CTNND2: variants seen among roughly 807,000 people sequenced by gnomAD.
The protein encoded by CTNND2 is catenin delta 2.
Under a neutral mutation model 144.4 loss-of-function variants are expected in CTNND2, and 22 were observed. The ratio of observed to expected loss-of-function variants is 0.15; its 90% CI spans 0.11 to 0.22. The LOEUF (loss-of-function observed/expected upper bound fraction) is 0.22. Ranked by LOEUF, CTNND2 falls within the 10% of genes least tolerant of loss-of-function variation. The pLI is 1.00. For missense variants in CTNND2, 1,353 were observed against 1,618.8 expected (o/e 0.84, Z 2.82); for synonymous variants, 751 against 695.6 (o/e 1.08, Z -1.25).
At chr5:11,705,651 T>C (rs1014770772) in intron 2 of CTNND2, among the ~76,000 whole-genome samples, 1 of 152,228 alleles carries the variant, frequency 6.6e-6, no homozygotes, top group African/African-American at 2.4e-5. Context: ...GCTTAGCCTC[T>C]GAAGAGAGTG....
intron 3 of CTNND2, among the ~76,000 whole-genome samples, chr5:11,554,511 T>C (rs1042673179): frequency 7.1e-5 from 7 of 98,328 alleles, no homozygotes; most frequent in Admixed American, 4.9e-4. Context: ...TGATTTTTTT[T>C]CTCTATATCT....
intron 18 of CTNND2, among the ~76,000 whole-genome samples, chr5:11,009,673 C>T (rs1403974577): frequency 2.0e-5 from 3 of 152,142 alleles, no homozygotes; most frequent in Non-Finnish European, 2.9e-5. Flanking sequence ...ATGTTACGAG[C>T]GAAGCCTTGT....
intron 1 of CTNND2, among the ~76,000 whole-genome samples, chr5:11,737,793 G>A (rs1260025342): frequency 1.3e-5 from 2 of 152,206 alleles, no homozygotes; most frequent in South Asian, 4.1e-4. Flanking sequence ...AAGAGCAAGT[G>A]GCATCAGAGG....
At chr5:11,247,090 G>A (rs1240119607) in intron 9 of CTNND2, among the ~76,000 whole-genome samples, 1 of 152,172 alleles carries the variant, frequency 6.6e-6, no homozygotes, top group African/African-American at 2.4e-5. Context: ...ATAAACTGCA[G>A]GCCTAAAATC....
chr5:11,544,359 G>C (rs1378454162), intron 3 of CTNND2, among the ~76,000 whole-genome samples: 4 of 152,144 alleles, frequency 2.6e-5, no homozygotes, highest in African/African-American at 4.8e-5. Context: ...CTGCTGATAG[G>C]ATTAGAAAAT....
intron 2 of CTNND2, among the ~76,000 whole-genome samples, chr5:11,617,866 C>T (rs1192956157): frequency 1.3e-5 from 2 of 152,164 alleles, no homozygotes; most frequent in East Asian, 1.9e-4. Flanking sequence ...GCTTTTGCCT[C>T]TTTTCTCAGT....
intron 9 of CTNND2, among the ~76,000 whole-genome samples, chr5:11,289,457 G>A (rs764799838): frequency 6.6e-6 from 1 of 152,176 alleles, no homozygotes; most frequent in Non-Finnish European, 1.5e-5. Context: ...CAACAGCTGA[G>A]CACTGGGAAA....
intron 11 of CTNND2, among the ~76,000 whole-genome samples, chr5:11,182,902 C>T (rs1331700285): frequency 6.6e-6 from 1 of 152,194 alleles, no homozygotes; most frequent in Non-Finnish European, 1.5e-5. Flanking sequence ...AGGGAGCCCC[C>T]TGGAGGTAAA....
intron 1 of CTNND2, among the ~76,000 whole-genome samples, chr5:11,823,044 T>G (rs1362019727): frequency 6.6e-6 from 1 of 152,244 alleles, no homozygotes; most frequent in East Asian, 1.9e-4. Flanking sequence ...ACTCAATTAT[T>G]GTAGCCATTG....
At chr5:11,617,885 G>A (rs1780652746) in intron 2 of CTNND2, among the ~76,000 whole-genome samples, 1 of 152,160 alleles carries the variant, frequency 6.6e-6, no homozygotes, top group Non-Finnish European at 1.5e-5. Context: ...GTCTGATAAA[G>A]TAGGTGTGTT....
At chr5:11,295,536 GC>G (rs1561170399) in intron 9 of CTNND2, among the ~76,000 whole-genome samples, 1 of 152,150 alleles carries the variant, frequency 6.6e-6, no homozygotes, top group Non-Finnish European at 1.5e-5. Flanking sequence ...TCAATCCTAA[GC>G]TAAAAGAACA....
At chr5:11,116,692 G>C (rs1181029351) in intron 13 of CTNND2, among the ~76,000 whole-genome samples, 1 of 152,170 alleles carries the variant, frequency 6.6e-6, no homozygotes, top group African/African-American at 2.4e-5. Flanking sequence ...TTTAGATCTT[G>C]CAGGCCTTTT....
intron 8 of CTNND2, among the ~76,000 whole-genome samples, chr5:11,363,241 G>GT (rs1419528382): frequency 2.0e-5 from 3 of 151,434 alleles, no homozygotes; most frequent in African/African-American, 2.4e-5. Flanking sequence ...ATGAATTAAA[G>GT]TTTTTTTTTC....
intron 1 of CTNND2, among the ~76,000 whole-genome samples, chr5:11,861,172 T>C (rs1795487903): frequency 6.6e-6 from 1 of 152,162 alleles, no homozygotes; most frequent in African/African-American, 2.4e-5. Flanking sequence ...AGTCTTTGAG[T>C]TTTATGTTTC....
chr5:11,543,748 A>G (rs932934867), intron 3 of CTNND2, among the ~76,000 whole-genome samples: 1 of 152,214 alleles, frequency 6.6e-6, no homozygotes, highest in Non-Finnish European at 1.5e-5. Context: ...ATTTCAAAAC[A>G]GAAGAGTCCT....
intron 8 of CTNND2, among the ~76,000 whole-genome samples, chr5:11,347,757 C>T (rs1754943967): frequency 1.3e-5 from 2 of 152,226 alleles, no homozygotes. Flanking sequence ...TTATACATCT[C>T]TGACTTCCTA....
intron 2 of CTNND2, among the ~76,000 whole-genome samples, chr5:11,694,454 G>GA (rs1485652017): frequency 7.3e-5 from 11 of 151,444 alleles, no homozygotes; most frequent in East Asian, 1.9e-4. Flanking sequence ...AAAAGAAAAT[G>GA]AAAAAAACAA....
At chr5:11,487,014 A>G (rs1768894909) in intron 3 of CTNND2, among the ~76,000 whole-genome samples, 2 of 152,188 alleles carry the variant, frequency 1.3e-5, no homozygotes, top group Non-Finnish European at 2.9e-5. Context: ...ATGTTCACAT[A>G]AAATGATGTT....
chr5:11,447,693 G>A (rs1764948113), intron 3 of CTNND2, among the ~76,000 whole-genome samples: 1 of 152,114 alleles, frequency 6.6e-6, no homozygotes, highest in South Asian at 2.1e-4. Context: ...GAGGGCGGAT[G>A]GGGGCTGTGT....
Sources: gnomAD v4.1 joint callset for allele counts (sites outside exome capture counted in the v4.1 genomes callset) on GRCh38, gnomAD v4.1.1 for gene constraint, MANE v1.5 for transcripts, NCBI Gene and HGNC (gene_info 2026-07-23, HGNC 2026-07-21) for gene names.